The following ZHX2 variants were observed in gnomAD, a reference collection of about 807,000 sequenced individuals.
The protein encoded by ZHX2 is zinc fingers and homeoboxes protein 2.
Under a neutral mutation model 21.9 loss-of-function variants are expected in ZHX2, and 6 were observed. That is an observed-to-expected ratio of 0.27 (90% CI 0.15 to 0.54). The LOEUF (loss-of-function observed/expected upper bound fraction) is 0.54, where lower values mean the gene tolerates loss of function less well. Among genes scored for constraint, ZHX2 ranks in the 20% least tolerant of loss-of-function variants. The pLI is 0.95. For missense variants in ZHX2, 908 were observed against 1,090.7 expected (o/e 0.83, Z 2.36); for synonymous variants, 434 against 437.1 (o/e 0.99, Z 0.09).
At chr8:122,955,771 G>A (rs1813282946) in intron 3 of ZHX2, among the ~76,000 whole-genome samples, 1 of 151,348 alleles carries the variant, frequency 6.6e-6, no homozygotes, top group African/African-American at 2.4e-5. Context: ...GGCCACCTCT[G>A]GCCATTCTCC....
At chr8:122,911,671 G>A (rs556095167) in intron 2 of ZHX2, among the ~76,000 whole-genome samples, 2 of 152,180 alleles carry the variant, frequency 1.3e-5, no homozygotes, top group African/African-American at 4.8e-5. Flanking sequence ...AAGAAGGACC[G>A]AGGTTTCATC....
intron 2 of ZHX2, among the ~76,000 whole-genome samples, chr8:122,884,941 C>T (rs1424588210): frequency 2.6e-5 from 4 of 152,114 alleles, no homozygotes; most frequent in Non-Finnish European, 4.4e-5. Context: ...CCATTGGAGC[C>T]GGGGAGTGAT....
rs80345838 is a variant in ZHX2, at chr8:122,962,184, G to A, written c.*4+8156G>A. On this transcript the variant is annotated intron_variant, in intron 3 of 3. Coordinates refer to ENST00000314393, the MANE Select transcript of ZHX2 (RefSeq NM_014943.5). ...ATGTGGTGTTGGGTTACATGGATAA[G>A]TTCTTTAGGTGTGATTTCTGAGCTT... 4.3e-3 allele frequency among the ~76,000 whole-genome samples: 662 copies of A among 152,288 alleles called. 4 individuals are homozygous for A. Among genetic ancestry groups the A allele is most frequent in the African/African-American group, 0.015 (613 of 41,558 alleles).
chr8:122,950,717 T>A (rs1335334469), intron 2 of ZHX2, among the ~76,000 whole-genome samples: 1 of 152,118 alleles, frequency 6.6e-6, no homozygotes, highest in Non-Finnish European at 1.5e-5. Context: ...TTTAAAATCA[T>A]TATTTTGCTC....
chr8:122,790,600 T>G (rs898149890), intron 1 of ZHX2, among the ~76,000 whole-genome samples: 2 of 152,182 alleles, frequency 1.3e-5, no homozygotes, highest in African/African-American at 2.4e-5. Context: ...GATTCTGTTT[T>G]GTTTTTTGTT....
At chr8:122,798,508 C>T (rs1391813967) in intron 1 of ZHX2, among the ~76,000 whole-genome samples, 1 of 152,082 alleles carries the variant, frequency 6.6e-6, no homozygotes, top group Non-Finnish European at 1.5e-5. Context: ...AAAGTAAGGA[C>T]CCGGCTGAGC....
Position 122,797,422 on chromosome 8 carries a change from A to C in ZHX2, c.-283+15476A>C, listed in dbSNP as rs117096335. Among the ~76,000 whole-genome samples, 348 of 152,348 alleles carry C rather than the reference A, an allele frequency of 2.3e-3. 7 individuals carry two copies. The South Asian group carries it at 0.039, about 17-fold the overall frequency. On this transcript the variant is annotated intron_variant, in intron 1 of 3. Coordinates refer to ENST00000314393, the MANE Select transcript of ZHX2 (RefSeq NM_014943.5). ...GGAGCCTGGAGACTGTGGGGGAAGCACATGACCGTCGGGCCAGTAGTGCCT... is the reference window on the plus strand; with the variant it reads ...GGAGCCTGGAGACTGTGGGGGAAGCCCATGACCGTCGGGCCAGTAGTGCCT...
intron 2 of ZHX2, among the ~76,000 whole-genome samples, chr8:122,895,743 G>GA (rs5894646): frequency 0.037 from 4,667 of 125,008 alleles, 128 homozygotes; most frequent in African/African-American, 0.091. Flanking sequence ...ATGGTGTGGG[G>GA]AAAAAAAAAA....
intron 1 of ZHX2, among the ~76,000 whole-genome samples, chr8:122,811,090 C>G (rs528008628): frequency 6.6e-6 from 1 of 152,258 alleles, no homozygotes; most frequent in East Asian, 1.9e-4. Context: ...ATCAAAATAT[C>G]CACTTTGGGC....
chr8:122,965,894 T>G (rs1172358072), intron 3 of ZHX2, among the ~76,000 whole-genome samples: 1 of 152,220 alleles, frequency 6.6e-6, no homozygotes, highest in Non-Finnish European at 1.5e-5. Context: ...CTTTTATCAT[T>G]ATATAATGTC....
At chr8:122,833,407 G>T (rs1047706693) in intron 1 of ZHX2, among the ~76,000 whole-genome samples, 14 of 152,178 alleles carry the variant, frequency 9.2e-5, no homozygotes, top group South Asian at 4.1e-4. Context: ...ATGGGATACT[G>T]CTTCTGTGAT....
intron 2 of ZHX2, among the ~76,000 whole-genome samples, chr8:122,930,976 G>T (rs1820976473): frequency 6.6e-6 from 1 of 151,896 alleles, no homozygotes; most frequent in African/African-American, 2.4e-5. Flanking sequence ...GTTATCATGG[G>T]AGGCCTCCCT....
rs536115665 is a variant in ZHX2, at chr8:122,973,866, G to C, written c.*629G>C. ...ATCTTCCAAATCAAATTCCTTTCCA[G>C]TTCTTCCCCTGGCTGCCTTTTTGGG... On this transcript the variant is annotated 3_prime_UTR_variant, in exon 4 of 4. Coordinates refer to ENST00000314393, the MANE Select transcript of ZHX2 (RefSeq NM_014943.5). The C allele has an allele frequency of 6.5e-6, 1 of 152,710 alleles. No individual in the cohort carries two copies. Among genetic ancestry groups the C allele is most frequent in the South Asian group, 2.1e-4 (1 of 4,820 alleles). 9.5% of individuals were successfully genotyped at this position (152,710 alleles called of 1,614,324 possible). A position where few individuals can be genotyped will look rare whatever the true frequency, so the allele number is the denominator to read the frequency against.
At chr8:122,856,942 C>T (rs1819039549) in intron 1 of ZHX2, among the ~76,000 whole-genome samples, 1 of 152,148 alleles carries the variant, frequency 6.6e-6, no homozygotes, top group African/African-American at 2.4e-5. Flanking sequence ...ACTCCAAACC[C>T]TGGGAAGATC....
chr8:122,944,105 C>G (rs555552016), intron 2 of ZHX2, among the ~76,000 whole-genome samples: 1 of 152,164 alleles, frequency 6.6e-6, no homozygotes, highest in Non-Finnish European at 1.5e-5. Context: ...CCTCTACCTC[C>G]CAGAATTCTA....
intron 1 of ZHX2, among the ~76,000 whole-genome samples, chr8:122,806,479 C>T (rs1384550004): frequency 1.3e-5 from 2 of 152,250 alleles, no homozygotes; most frequent in Non-Finnish European, 2.9e-5. Flanking sequence ...CTGCCCAGAA[C>T]ACGGTGTGTG....
chr8:122,833,098 G>A (rs975620400), intron 1 of ZHX2, among the ~76,000 whole-genome samples: 15 of 152,152 alleles, frequency 9.9e-5, no homozygotes, highest in Non-Finnish European at 1.6e-4. Flanking sequence ...AAGGCAAAGA[G>A]GTTTTGGGAA....
chr8:122,936,787 C>T (rs996595398), intron 2 of ZHX2, among the ~76,000 whole-genome samples: 8 of 152,310 alleles, frequency 5.3e-5, no homozygotes, highest in South Asian at 2.1e-4. Context: ...TCTCCTCCGT[C>T]GTGGCGAGAT....
At chr8:122,944,587 G>A (rs1288233627) in intron 2 of ZHX2, among the ~76,000 whole-genome samples, 1 of 152,092 alleles carries the variant, frequency 6.6e-6, no homozygotes, top group African/African-American at 2.4e-5. Context: ...CACTTTTAAT[G>A]TGTTCCCTGC....
Sources: gnomAD v4.1 joint callset for allele counts (sites outside exome capture counted in the v4.1 genomes callset) on GRCh38, gnomAD v4.1.1 for gene constraint, MANE v1.5 for transcripts, NCBI Gene and HGNC (gene_info 2026-07-23, HGNC 2026-07-21) for gene names.